The following A1BG variants were observed in gnomAD, a reference collection of about 807,000 sequenced individuals.
The protein encoded by A1BG is alpha-1B-glycoprotein.
In A1BG, 44 loss-of-function variants were observed where a neutral mutation model predicts 46.0. That is an observed-to-expected ratio of 0.96 (90% confidence interval 0.75 to 1.23). The LOEUF is 1.23. Among genes scored for constraint, A1BG ranks in the 50% most tolerant of loss-of-function variants. The pLI is 0.00. For missense variants in A1BG, 707 were observed against 688.8 expected (o/e 1.03, Z -0.30); for synonymous variants, 316 against 314.7 (o/e 1.00, Z -0.04).
In A1BG at chr19:58,346,585, C is replaced by G. The variant is rs373550936; in HGVS notation, c.*437G>C. The stretch of plus-strand genomic sequence containing the variant: ...AAAAATAATAATTAGCCAGACGTGG[C>G]GATGCATGCCCAGGCTCCCAGCTAC... On this transcript the variant is annotated 3_prime_UTR_variant, in exon 8 of 8. Coordinates refer to ENST00000263100, the MANE Select transcript of A1BG (RefSeq NM_130786.4). 1 of 256,116 alleles carries G rather than the reference C, an allele frequency of 3.9e-6. No homozygotes were observed. The highest frequency in any genetic ancestry group is 7.7e-6 in the Non-Finnish European group (1 of 130,256). The allele number at this position is 256,116 out of a possible 1,614,324, so 15.9% of individuals were successfully genotyped here. A position where few individuals can be genotyped will look rare whatever the true frequency, so the allele number is the denominator to read the frequency against.
Position 58,352,736 on chromosome 19 carries a change from G to C in A1BG, c.341-181C>G, listed in dbSNP as rs1008027929. 2.6e-6 allele frequency: 3 copies of C among 1,141,482 alleles called. No homozygotes were observed. In the African/African-American group the frequency reaches 4.7e-5, roughly 18 times the overall value. The allele number at this position is 1,141,482 out of a possible 1,614,324, so 70.7% of individuals were successfully genotyped here. A position where few individuals can be genotyped will look rare whatever the true frequency, so the allele number is the denominator to read the frequency against. ...ACGGCAAGAGAAAAAGAGTGTGTGG[G>C]AGCTGTACGGCATGCCGGGCCTGCT... On this transcript the variant is annotated intron_variant, in intron 3 of 7. Coordinates refer to ENST00000263100, the MANE Select transcript of A1BG (RefSeq NM_130786.4).
chr19:58,347,274 G>T, intron 7 of A1BG, 79 bp downstream of exon 7: 1 of 1,581,872 alleles, frequency 6.3e-7, no homozygotes, highest in Non-Finnish European at 8.6e-7. Flanking sequence ...GGAGCCGGGA[G>T]AGGCCCTCCT....
At chr19:58,352,641 A>C in intron 3 of A1BG, 86 bp from the exon 4 acceptor site, 3 of 1,492,906 alleles carry the variant, frequency 2.0e-6, no homozygotes, top group Admixed American at 1.9e-5. Context: ...CACTCATAAG[A>C]CTGTGAAGGA....
At chr19:58,351,344 TC>T (rs773194551) in intron 5 of A1BG, 46 bp downstream of exon 5, 4 of 1,592,632 alleles carry the variant, frequency 2.5e-6, no homozygotes, top group Non-Finnish European at 3.4e-6. Context: ...CTGCTCCTGC[TC>T]CCCAGGGACC....
Position 58,353,210 on chromosome 19 carries a change from G to C in A1BG, c.71-13C>G. On this transcript the variant is annotated splice_polypyrimidine_tract_variant and intron_variant, in intron 2 of 7. Transcript: ENST00000263100. ...TGCGTCTCATAAACTGCAAGGGGTG[G>C]CTGGGATCAGCTCAGTGCCACAGAG... 6.2e-7 allele frequency: 1 copy of C among 1,613,438 alleles called. No homozygotes were observed. Among genetic ancestry groups the C allele is most frequent in the Non-Finnish European group, 8.5e-7 (1 of 1,179,558 alleles).
Position 58,351,578 on chromosome 19 carries a change from G to C in A1BG, c.723C>G (p.Phe241Leu), listed in dbSNP as rs117988784. Reference sequence around the variant, plus strand: ...GCTCTTTCTCCCCGCGCCGTAGCTGGAAGTCCACTCCACTCAGGGGAGCCA... The same window carrying C: ...GCTCTTTCTCCCCGCGCCGTAGCTGCAAGTCCACTCCACTCAGGGGAGCCA... ...TCVAPLSGVD[F>L]QLRRGEKELL... Residue 241 changes from phenylalanine to leucine, a missense_variant, in exon 5 of 8, where the codon TTC becomes TTG. Phe to Leu is a conservative substitution (Grantham distance 22). Coordinates refer to ENST00000263100, the MANE Select transcript of A1BG (RefSeq NM_130786.4). 2 of 1,613,922 alleles carry C rather than the reference G, an allele frequency of 1.2e-6. No individual in the cohort carries two copies. The highest frequency in any genetic ancestry group is 4.5e-5 in the East Asian group (2 of 44,874).
chr19:58,351,296 C>G, intron 5 of A1BG, 95 bp downstream of exon 5: 2 of 1,485,954 alleles, frequency 1.3e-6, no homozygotes, highest in Non-Finnish European at 1.8e-6. Context: ...TGGACCCTGG[C>G]CCAGAGCACT....
At position 58,347,576 on chromosome 19, in the gene A1BG, G is replaced by T. The variant is rs375150138; in HGVS notation, c.1257C>A (p.Ala419=). 32 of 1,533,612 alleles carry T rather than the reference G, an allele frequency of 2.1e-5. No homozygotes were observed. The African/African-American group carries it at 4.2e-4, about 20-fold the overall frequency. Residue 419 remains alanine (A), a synonymous_variant, in exon 7 of 8, where the codon GCC becomes GCA. Coordinates refer to ENST00000263100, the MANE Select transcript of A1BG (RefSeq NM_130786.4). ...GGATGGGTCCCTCGCAGCGCAGGAC[G>T]GCATCTCGGCCCGCCAGGACCGCCC... ...WSGAVLAGRD[A]VLRCEGPIPD... is the part of the protein sequence containing the mutation.
chr19:58,350,315 G>A (rs1026362808), intron 6 of A1BG, 55 bp downstream of exon 6: 2 of 1,479,210 alleles, frequency 1.4e-6, no homozygotes, highest in African/African-American at 1.4e-5. Context: ...AAAGACAGGA[G>A]GCCCCGAGGG....
At chr19:58,351,344 TCC>T in intron 5 of A1BG, 45 bp downstream of exon 5, 1 of 1,592,750 alleles carries the variant, frequency 6.3e-7, no homozygotes, top group Non-Finnish European at 8.5e-7. Flanking sequence ...CTGCTCCTGC[TCC>T]CCAGGGACCC....
intron 3 of A1BG, 184 bp from the exon 4 acceptor site, chr19:58,352,739 C>G (rs1222392187): frequency 6.1e-6 from 7 of 1,146,044 alleles, no homozygotes; most frequent in Non-Finnish European, 8.6e-6. Context: ...TGTGTGGGAG[C>G]TGTACGGCAT....
Position 58,353,274 on chromosome 19 carries a change from C to G in A1BG, c.70+18G>C, listed in dbSNP as rs775404405. 8.9e-5 allele frequency: 144 copies of G among 1,613,926 alleles called. No individual in the cohort carries two copies. In the South Asian group the frequency reaches 1.0e-3, roughly 11 times the overall value. On this transcript the variant is annotated intron_variant, in intron 2 of 7. Transcript: ENST00000263100. Reference sequence around the variant, plus strand: ...CCGGCCTGGGCCCACCATTCCCAGACCTCACCCCTGCACTCACATATGGCT... The same window carrying G: ...CCGGCCTGGGCCCACCATTCCCAGAGCTCACCCCTGCACTCACATATGGCT...
chr19:58,353,078 C>T lies in A1BG; in HGVS notation c.190G>A (p.Gly64Arg), dbSNP rs1202693762. Residue 64 changes from glycine (G) to arginine (R), a missense_variant, in exon 3 of 8, where the codon GGG becomes AGG. Transcript: ENST00000263100. Reference protein sequence around the residue: ...ETPDFQLFKNGVAQEPVHLDS... With the variant: ...ETPDFQLFKNRVAQEPVHLDS... ...AGGTGCACAGGCTCCTGGGCCACCC[C>T]ATTCTTGAACAGCTGGAAGTCTGGA... 1 of 1,614,190 alleles carries T rather than the reference C, an allele frequency of 6.2e-7. No individual in the cohort carries two copies. The highest frequency in any genetic ancestry group is 8.5e-7 in the Non-Finnish European group (1 of 1,180,040).
intron 7 of A1BG, 34 bp from the exon 8 acceptor site, chr19:58,347,063 AG>A (rs1231659289): frequency 1.2e-6 from 2 of 1,613,646 alleles, no homozygotes; most frequent in Non-Finnish European, 8.5e-7. Flanking sequence ...ATGGTGGAGG[AG>A]GGGAAATCCT....
chr19:58,353,124 C>A lies in A1BG; in HGVS notation c.144G>T (p.Thr48=). ...LLKPLANVTL[T]CQAHLETPDF... ...CTGGAGTCTCCAGGTGGGCCTGGCA[C>A]GTCAGCGTCACATTGGCCAAGGGTT... Residue 48 remains threonine (T), a synonymous_variant, in exon 3 of 8, where the codon ACG becomes ACT. Coordinates refer to ENST00000263100, the MANE Select transcript of A1BG (RefSeq NM_130786.4). The A allele has an allele frequency of 6.2e-7, 1 of 1,614,140 alleles. No individual in the cohort carries two copies. The highest frequency in any genetic ancestry group is 1.1e-5 in the South Asian group (1 of 91,086).
In A1BG at chr19:58,352,433, C is replaced by G; in HGVS notation, c.463G>C (p.Asp155His). The G allele has an allele frequency of 1.2e-6, 2 of 1,613,794 alleles. No homozygotes were observed. Among genetic ancestry groups the G allele is most frequent in the South Asian group, 2.2e-5 (2 of 91,074 alleles). The stretch of plus-strand genomic sequence containing the variant: ...TCAGGCACCTCCAGAAACTCATGGT[C>G]GCCCTCCCGCCTCAGCAGAAAAGTC... ...GVTFLLRREG[D>H]HEFLEVPEAQ... The change falls in exon 4 of 8, where the codon GAC becomes CAC. Residue 155 changes from aspartate to histidine, a missense_variant. By Grantham distance (81) the Asp-to-His change is moderately conservative. Coordinates refer to ENST00000263100, the MANE Select transcript of A1BG (RefSeq NM_130786.4).
In A1BG at chr19:58,353,096, A is replaced by G. The variant is rs1427692966; in HGVS notation, c.172T>C (p.Phe58Leu). 1 of 1,614,158 alleles carries G rather than the reference A, an allele frequency of 6.2e-7. No individual in the cohort carries two copies. The highest frequency in any genetic ancestry group is 8.5e-7 in the Non-Finnish European group (1 of 1,180,028). ...GCCACCCCATTCTTGAACAGCTGGA[A>G]GTCTGGAGTCTCCAGGTGGGCCTGG... ...TCQAHLETPDFQLFKNGVAQE... is the reference protein window; with the variant it reads ...TCQAHLETPDLQLFKNGVAQE... Residue 58 changes from phenylalanine (F) to leucine (L), a missense_variant, in exon 3 of 8, where the codon TTC becomes CTC. Physicochemically the swap from Phe to Leu is conservative, Grantham distance 22 (BLOSUM62 0). Coordinates refer to ENST00000263100, the MANE Select transcript of A1BG (RefSeq NM_130786.4).
At chr19:58,347,117 C>G (rs1368581697) in intron 7 of A1BG, 88 bp from the exon 8 acceptor site, 2 of 1,517,066 alleles carry the variant, frequency 1.3e-6, no homozygotes, top group Non-Finnish European at 1.8e-6. Flanking sequence ...CTCCCTGACG[C>G]CCCCCCGGAA....
At chr19:58,348,062 A>T (rs771366820) in intron 6 of A1BG, among the ~76,000 whole-genome samples, 3 of 152,204 alleles carry the variant, frequency 2.0e-5, no homozygotes, top group African/African-American at 4.8e-5. Context: ...TTAAAAGTGT[A>T]TTTAAGGTGC....
Sources: gnomAD v4.1 joint callset for allele counts (sites outside exome capture counted in the v4.1 genomes callset) on GRCh38, gnomAD v4.1.1 for gene constraint, MANE v1.5 for transcripts, NCBI Gene and HGNC (gene_info 2026-07-23, HGNC 2026-07-21) for gene names.